PGPEP1: variants seen among roughly 807,000 people sequenced by gnomAD.
PGPEP1 encodes pyroglutamyl-peptidase I.
PGPEP1 carries 15 observed loss-of-function variants against 24.1 expected under a neutral mutation model. That is an observed-to-expected ratio of 0.62 (90% CI 0.42 to 0.96). The LOEUF is 0.96. Ranked by LOEUF, PGPEP1 falls within the 40% of genes least tolerant of loss-of-function variation. The pLI is 0.00. For missense variants in PGPEP1, 242 were observed against 273.4 expected (o/e 0.89, Z 0.81); for synonymous variants, 122 against 116.4 (o/e 1.05, Z -0.31).
intron 2 of PGPEP1, among the ~76,000 whole-genome samples, chr19:18,354,014 C>A (rs1971111548): frequency 6.6e-6 from 1 of 152,150 alleles, no homozygotes; most frequent in South Asian, 2.1e-4. Context: ...GCAGGTGAAT[C>A]ACTTGAGGTC....
chr19:18,356,031 G>A lies in PGPEP1; in HGVS notation c.204+20G>A, dbSNP rs1006292069. ...CCACAGGTGAGTGGTGCCAAGGGGCGGCACTTCCTCATCAGGACTTACAGG... is the reference window on the plus strand; with the variant it reads ...CCACAGGTGAGTGGTGCCAAGGGGCAGCACTTCCTCATCAGGACTTACAGG... On this transcript the variant is annotated intron_variant, in intron 3 of 4. Transcript: ENST00000269919. 7.1e-7 allele frequency: 1 copy of A among 1,416,966 alleles called. No homozygotes were observed. The highest frequency in any genetic ancestry group is 1.0e-6 in the Non-Finnish European group (1 of 999,784). 87.8% of individuals were successfully genotyped at this position (1,416,966 alleles called of 1,614,324 possible).
intron 4 of PGPEP1, chr19:18,361,940 A>G: frequency 1.1e-6 from 1 of 933,402 alleles, no homozygotes; most frequent in South Asian, 4.9e-5. Flanking sequence ...TTCCTTGTAA[A>G]CAGATTCATA....
intron 3 of PGPEP1, among the ~76,000 whole-genome samples, 200 bp downstream of exon 3, chr19:18,356,211 T>A (rs1263553826): frequency 6.6e-6 from 1 of 151,754 alleles, no homozygotes; most frequent in African/African-American, 2.4e-5. Flanking sequence ...GGCAGGTGGA[T>A]AACCTATACT....
chr19:18,365,435 T>G lies in PGPEP1; in HGVS notation c.*1852T>G, dbSNP rs1262622734. Reference sequence around the variant, plus strand: ...ATGGATCACTGCAGCCTCTACCTCCTGGGCTCAAGTGATCCTCCCATCTCA... The same window carrying G: ...ATGGATCACTGCAGCCTCTACCTCCGGGGCTCAAGTGATCCTCCCATCTCA... On this transcript the variant is annotated 3_prime_UTR_variant, in exon 5 of 5. Coordinates refer to ENST00000269919, the MANE Select transcript of PGPEP1 (RefSeq NM_017712.4). 1 of 152,274 alleles carries G rather than the reference T, an allele frequency of 6.6e-6. No homozygotes were observed. The highest frequency in any genetic ancestry group is 2.4e-5 in the African/African-American group (1 of 41,422). The allele number at this position is 152,274 out of a possible 1,614,324, so 9.4% of individuals were successfully genotyped here.
At chr19:18,357,078 G>T (rs1474299154) in intron 3 of PGPEP1, among the ~76,000 whole-genome samples, 5 of 152,186 alleles carry the variant, frequency 3.3e-5, no homozygotes, top group Non-Finnish European at 7.3e-5. Flanking sequence ...TTTAACACTT[G>T]CATAGCAGCT....
intron 2 of PGPEP1, chr19:18,349,081 A>G (rs1372889779): frequency 1.5e-5 from 15 of 984,186 alleles, no homozygotes; most frequent in Non-Finnish European, 1.7e-5. Context: ...GGGTCTTGGC[A>G]AACACACACA....
chr19:18,360,759 A>G (rs1443530344), intron 4 of PGPEP1, among the ~76,000 whole-genome samples: 1 of 151,734 alleles, frequency 6.6e-6, no homozygotes. Context: ...TCCTGACCTC[A>G]GGTGATTCGC....
At chr19:18,354,038 C>G (rs1971111897) in intron 2 of PGPEP1, among the ~76,000 whole-genome samples, 1 of 152,132 alleles carries the variant, frequency 6.6e-6, no homozygotes, top group South Asian at 2.1e-4. Flanking sequence ...AGTTTGAGAC[C>G]AGCCTGGCCA....
At chr19:18,348,663 AGGTGG>A (rs1355492306) in intron 2 of PGPEP1, among the ~76,000 whole-genome samples, 63 of 152,214 alleles carry the variant, frequency 4.1e-4, no homozygotes, top group Non-Finnish European at 7.6e-4. Flanking sequence ...ACTGTATGGC[AGGTGG>A]CTCCCTGCCG....
chr19:18,344,560 A>C (rs1343343237), intron 2 of PGPEP1, among the ~76,000 whole-genome samples: 2 of 142,780 alleles, frequency 1.4e-5, no homozygotes, highest in African/African-American at 2.6e-5. Context: ...CTCATCCCCA[A>C]CTTCAGACCT....
Position 18,357,509 on chromosome 19 carries a change from G to A in PGPEP1, c.331G>A (p.Asp111Asn), listed in dbSNP as rs1464173217. The change falls in exon 4 of 5, where the codon GAC becomes AAC. Residue 111 changes from aspartate to asparagine, a missense_variant. Physicochemically the swap from Asp to Asn is conservative, Grantham distance 23. Transcript: ENST00000269919. ...CCCCGGCTCCCAGTGCTGCGTGGAG[G>A]ACGGGCCTGAAAGCATTGACTCCAT... is the stretch of plus-strand genomic sequence containing the variant. ...FCPGSQCCVEDGPESIDSIID... is the reference protein window; with the variant it reads ...FCPGSQCCVENGPESIDSIID... The A allele has an allele frequency of 1.2e-6, 2 of 1,613,484 alleles. No homozygotes were observed. Among genetic ancestry groups the A allele is most frequent in the Non-Finnish European group, 1.7e-6 (2 of 1,179,768 alleles).
At chr19:18,346,982 T>TTCTGCCTCTC (rs1970867225) in intron 2 of PGPEP1, among the ~76,000 whole-genome samples, 1 of 151,680 alleles carries the variant, frequency 6.6e-6, no homozygotes, top group Non-Finnish European at 1.5e-5. Context: ...TCTCGTCTCT[T>TTCTGCCTCTC]TCTGCCTCTC....
At chr19:18,355,846 C>A in intron 2 of PGPEP1, 49 bp from the exon 3 acceptor site, 1 of 1,170,308 alleles carries the variant, frequency 8.5e-7, no homozygotes, top group East Asian at 2.3e-5. Context: ...CGCATTATCC[C>A]CATAGCTGTC....
chr19:18,342,407 G>A lies in PGPEP1; in HGVS notation c.35-452G>A, dbSNP rs538402038. Among the ~76,000 whole-genome samples, 5 of 152,326 alleles carry A rather than the reference G, an allele frequency of 3.3e-5. No homozygotes were observed. The East Asian group carries it at 9.6e-4, about 29-fold the overall frequency. ...TTGGGCGACTGTCGTGTTTTGGAAA[G>A]GGGGCCTGGAGTTTGAGCTAGCAGG... On this transcript the variant is annotated intron_variant, in intron 1 of 4. Transcript: ENST00000269919.
In PGPEP1 at chr19:18,340,611, G is replaced by GA; in HGVS notation, c.-70dup. ...CAGGGGCGTGGCCTCGCGCGGCCGA[G>GA]AGGCTGCAGCGGCAGCAGCTGTCGC... On this transcript the variant is annotated 5_prime_UTR_variant, in exon 1 of 5. Coordinates refer to ENST00000269919, the MANE Select transcript of PGPEP1 (RefSeq NM_017712.4). 7.0e-7 allele frequency: 1 copy of GA among 1,421,452 alleles called. No individual in the cohort carries two copies. Among genetic ancestry groups the GA allele is most frequent in the Non-Finnish European group, 9.4e-7 (1 of 1,063,956 alleles). The allele number at this position is 1,421,452 out of a possible 1,614,324, so 88.1% of individuals were successfully genotyped here.
chr19:18,342,785 G>A (rs1199970275), intron 1 of PGPEP1, 74 bp from the exon 2 acceptor site: 8 of 1,133,050 alleles, frequency 7.1e-6, no homozygotes, highest in Non-Finnish European at 1.1e-5. Flanking sequence ...CTCCAGGTGG[G>A]AGTAGCGGCC....
chr19:18,364,263 C>A lies in PGPEP1; in HGVS notation c.*680C>A, dbSNP rs73009442. On this transcript the variant is annotated 3_prime_UTR_variant, in exon 5 of 5. Transcript: ENST00000269919. ...AACAAAAGTGTTTTCCCCCCACCCC[C>A]ACTCGCCCACCAGGGTGATGCCACT... 33,221 of 151,306 alleles carry A rather than the reference C, an allele frequency of 0.22. 3,960 individuals are homozygous for A. Among genetic ancestry groups the A allele is most frequent in the Non-Finnish European group, 0.26 (17,508 of 67,868 alleles). 9.4% of individuals were successfully genotyped at this position (151,306 alleles called of 1,614,324 possible).
chr19:18,346,529 C>G (rs1385220425), intron 2 of PGPEP1, among the ~76,000 whole-genome samples: 2 of 151,640 alleles, frequency 1.3e-5, no homozygotes, highest in Non-Finnish European at 2.9e-5. Context: ...TGTCTCTTTC[C>G]TTTCTTCTAT....
chr19:18,349,109 A>C, intron 2 of PGPEP1: 1 of 983,126 alleles, frequency 1.0e-6, no homozygotes, highest in Non-Finnish European at 1.2e-6. Context: ...CTCTCTTGTG[A>C]CTGCAGGTCT....
Sources: gnomAD v4.1 joint callset for allele counts (sites outside exome capture counted in the v4.1 genomes callset) on GRCh38, gnomAD v4.1.1 for gene constraint, MANE v1.5 for transcripts, NCBI Gene and HGNC (gene_info 2026-07-23, HGNC 2026-07-21) for gene names.